COP1: variants seen among roughly 807,000 people sequenced by gnomAD.
COP1 encodes E3 ubiquitin-protein ligase COP1.
COP1 carries 24 observed loss-of-function variants against 101.3 expected under a neutral mutation model. The ratio of observed to expected loss-of-function variants is 0.24; its 90% CI spans 0.17 to 0.33. COP1 has a LOEUF of 0.33. Among genes scored for constraint, COP1 ranks in the 10% least tolerant of loss-of-function variants. The pLI, the probability that COP1 is intolerant of heterozygous loss-of-function variation, is 1.00. For synonymous variants in COP1, 347 were observed against 341.9 expected, an observed-to-expected ratio of 1.01 and a Z score of -0.17; for missense variants, 663 against 906.2, an observed-to-expected ratio of 0.73 and a Z score of 3.45.
chr1:176,207,180 A>C lies in COP1; in HGVS notation c.-202T>G, dbSNP rs2102349012. ...ACGGGAGGGGGCGGAGGAAACTAAA[A>C]AAGCGGAGTAGAAGGCACTACCGCT... On this transcript the variant is annotated 5_prime_UTR_variant, in exon 1 of 20. Coordinates refer to ENST00000367669, the MANE Select transcript of COP1 (RefSeq NM_022457.7). 2.4e-6 allele frequency: 1 copy of C among 424,862 alleles called. No individual in the cohort carries two copies. Among genetic ancestry groups the C allele is most frequent in the Non-Finnish European group, 4.1e-6 (1 of 245,166 alleles). 26.3% of individuals were successfully genotyped at this position (424,862 alleles called of 1,614,324 possible). A position where few individuals can be genotyped will look rare whatever the true frequency, so the allele number is the denominator to read the frequency against.
At chr1:176,030,226 A>G (rs1668427730) in intron 14 of COP1, among the ~76,000 whole-genome samples, 1 of 152,232 alleles carries the variant, frequency 6.6e-6, no homozygotes, top group Admixed American at 6.5e-5. Flanking sequence ...TCAAAATGCA[A>G]TCATTTGGTC....
intron 11 of COP1, among the ~76,000 whole-genome samples, chr1:176,065,509 T>A (rs981556471): frequency 6.6e-6 from 1 of 152,194 alleles, no homozygotes; most frequent in Non-Finnish European, 1.5e-5. Flanking sequence ...TAAGTTGCAG[T>A]TGTAAGGGAT....
intron 11 of COP1, among the ~76,000 whole-genome samples, chr1:176,049,178 C>CAAAAAAAAAAAAAAAAAAA (rs61267982): frequency 3.4e-5 from 4 of 118,368 alleles, no homozygotes; most frequent in African/African-American, 6.9e-5. Flanking sequence ...GACTCCGTCT[C>CAAAAAAAAAAAAAAAAAAA]AAAAAAAAAA....
At chr1:176,006,377 T>A (rs149001366) in intron 15 of COP1, among the ~76,000 whole-genome samples, 2 of 152,218 alleles carry the variant, frequency 1.3e-5, no homozygotes, top group Non-Finnish European at 2.9e-5. Context: ...ATGTGTGAAT[T>A]TGATCCTGTC....
At chr1:176,149,108 A>C (rs751037309) in intron 5 of COP1, 34 bp from the exon 6 acceptor site, 104 of 1,394,964 alleles carry the variant, frequency 7.5e-5, no homozygotes, top group Non-Finnish European at 9.9e-5. Context: ...TCTTTTAAAA[A>C]ATATAACTGA....
intron 18 of COP1, among the ~76,000 whole-genome samples, chr1:175,983,506 C>T (rs1028497006): frequency 1.3e-5 from 2 of 152,168 alleles, no homozygotes; most frequent in African/African-American, 4.8e-5. Flanking sequence ...GTAAATTACC[C>T]AGTCTTGAGT....
intron 15 of COP1, among the ~76,000 whole-genome samples, chr1:175,997,550 A>G (rs1013850633): frequency 2.0e-5 from 3 of 152,184 alleles, no homozygotes; most frequent in African/African-American, 7.2e-5. Flanking sequence ...ACAAATTTAC[A>G]AGAAAAAAAC....
chr1:176,153,678 G>T (rs189913405), intron 5 of COP1, among the ~76,000 whole-genome samples: 123 of 152,246 alleles, frequency 8.1e-4, no homozygotes, highest in African/African-American at 2.9e-3. Flanking sequence ...GGTTTTCAAG[G>T]GCAATGCTTC....
At position 176,007,541 on chromosome 1, in the gene COP1, T is replaced by G. The variant is rs1030180490; in HGVS notation, c.1730-18062A>C. The stretch of plus-strand genomic sequence containing the variant: ...GTTTTTGGTGTGGATGTCCTTTCTG[T>G]TTGGTAGTTTTCCTTCTAACAGACA... On this transcript the variant is annotated intron_variant, in intron 15 of 19. Transcript: ENST00000367669. Among the ~76,000 whole-genome samples, 8 of 150,546 alleles carry G rather than the reference T, an allele frequency of 5.3e-5. No individual in the cohort carries two copies. In the East Asian group the frequency reaches 1.4e-3, roughly 26 times the overall value.
At chr1:176,203,203 G>A (rs960557500) in intron 1 of COP1, among the ~76,000 whole-genome samples, 1 of 152,114 alleles carries the variant, frequency 6.6e-6, no homozygotes, top group Non-Finnish European at 1.5e-5. Context: ...CGGGCGGGGT[G>A]GCCGGCGCCT....
At chr1:175,970,881 A>G (rs1653101651) in intron 18 of COP1, among the ~76,000 whole-genome samples, 1 of 152,218 alleles carries the variant, frequency 6.6e-6, no homozygotes, top group African/African-American at 2.4e-5. Context: ...TGGGTCAACT[A>G]AAGGTAACAA....
intron 15 of COP1, among the ~76,000 whole-genome samples, chr1:175,992,857 A>C (rs1418427512): frequency 6.6e-6 from 1 of 152,200 alleles, no homozygotes; most frequent in Admixed American, 6.5e-5. Context: ...TGCAGACTTA[A>C]ATGTCCCTGT....
chr1:176,092,601 A>G (rs781564501), intron 9 of COP1, among the ~76,000 whole-genome samples: 10 of 152,192 alleles, frequency 6.6e-5, no homozygotes, highest in Non-Finnish European at 1.5e-4. Context: ...AAATATAAGA[A>G]AAGGTGCTGT....
intron 5 of COP1, among the ~76,000 whole-genome samples, chr1:176,151,359 A>AAGAG (rs1553292732): frequency 7.0e-4 from 41 of 58,740 alleles, no homozygotes; most frequent in African/African-American, 1.7e-3. Flanking sequence ...AAGAAAAAGA[A>AAGAG]AGAAAGAAAG....
chr1:175,998,705 T>TAC (rs1660887934), intron 15 of COP1, among the ~76,000 whole-genome samples: 1 of 152,120 alleles, frequency 6.6e-6, no homozygotes, highest in African/African-American at 2.4e-5. Flanking sequence ...GAGATGATTT[T>TAC]ACCTTTCTGG....
At chr1:176,163,211 T>A (rs990240044) in intron 4 of COP1, among the ~76,000 whole-genome samples, 1 of 152,172 alleles carries the variant, frequency 6.6e-6, no homozygotes, top group Non-Finnish European at 1.5e-5. Flanking sequence ...ATAACAAATA[T>A]AAAAGGTGCC....
At chr1:176,137,417 T>C (rs188422560) in intron 6 of COP1, among the ~76,000 whole-genome samples, 1 of 152,328 alleles carries the variant, frequency 6.6e-6, no homozygotes, top group Non-Finnish European at 1.5e-5. Context: ...AATAAAATTA[T>C]TCAATCAAAA....
At chr1:175,946,512 G>A (rs1259385199) in intron 19 of COP1, among the ~76,000 whole-genome samples, 1 of 152,082 alleles carries the variant, frequency 6.6e-6, no homozygotes, top group African/African-American at 2.4e-5. Flanking sequence ...GGAAAAAACA[G>A]GTACTCTCAG....
At chr1:176,107,531 T>C (rs991808945) in intron 9 of COP1, among the ~76,000 whole-genome samples, 3 of 152,072 alleles carry the variant, frequency 2.0e-5, no homozygotes, top group South Asian at 2.1e-4. Flanking sequence ...TAACAGAATA[T>C]ATATATTAAT....
Sources: allele counts gnomAD v4.1 joint callset (sites outside exome capture counted in the v4.1 genomes callset), GRCh38; gene constraint gnomAD v4.1.1; transcripts MANE v1.5; gene names NCBI Gene and HGNC (gene_info 2026-07-23, HGNC 2026-07-21).